USP53: variants seen among roughly 807,000 people sequenced by gnomAD.
USP53 encodes ubiquitin carboxyl-terminal hydrolase 53.
In USP53, 71 loss-of-function variants were observed where a neutral mutation model predicts 94.9. The ratio of observed to expected loss-of-function variants is 0.75; its 90% CI spans 0.62 to 0.91. The LOEUF (loss-of-function observed/expected upper bound fraction) is 0.91, where lower values mean the gene tolerates loss of function less well. USP53 is among the 40% of genes least tolerant of loss of function. The pLI, the probability that USP53 is intolerant of heterozygous loss-of-function variation, is 0.00. For missense variants in USP53, 1,173 were observed against 1,281.0 expected (o/e 0.92, Z 1.29); for synonymous variants, 375 against 422.7 (o/e 0.89, Z 1.39).
chr4:119,244,469 A>G (rs952668052), intron 5 of USP53, among the ~76,000 whole-genome samples: 1 of 152,190 alleles, frequency 6.6e-6, no homozygotes, highest in Non-Finnish European at 1.5e-5. Context: ...GAGAAATTTG[A>G]AGATCTTATT....
intron 3 of USP53, among the ~76,000 whole-genome samples, chr4:119,228,223 G>A (rs1745577279): frequency 6.6e-6 from 1 of 152,144 alleles, no homozygotes; most frequent in Non-Finnish European, 1.5e-5. Context: ...TCTGCTTCTG[G>A]GTTCATTCAG....
At chr4:119,222,358 T>C (rs193168764) in intron 3 of USP53, among the ~76,000 whole-genome samples, 1 of 152,130 alleles carries the variant, frequency 6.6e-6, no homozygotes, top group Non-Finnish European at 1.5e-5. Context: ...AATACATTAC[T>C]GTTTAGTCAC....
At chr4:119,246,207 C>A (rs150140249) in intron 6 of USP53, among the ~76,000 whole-genome samples, 23 of 152,290 alleles carry the variant, frequency 1.5e-4, no homozygotes, top group Admixed American at 2.6e-4. Flanking sequence ...TATAGGCTGG[C>A]CTTAATGACT....
At chr4:119,227,988 C>T (rs572038003) in intron 3 of USP53, among the ~76,000 whole-genome samples, 2 of 152,322 alleles carry the variant, frequency 1.3e-5, no homozygotes, top group East Asian at 3.9e-4. Flanking sequence ...GAAACTAGGA[C>T]AGAAAGTGTA....
At chr4:119,215,811 A>C (rs1311123160) in intron 2 of USP53, among the ~76,000 whole-genome samples, 1 of 152,224 alleles carries the variant, frequency 6.6e-6, no homozygotes, top group Non-Finnish European at 1.5e-5. Context: ...GCAGTTCATC[A>C]GAATTTTTTC....
At chr4:119,273,968 C>T (rs1752211882) in intron 17 of USP53, among the ~76,000 whole-genome samples, 2 of 149,358 alleles carry the variant, frequency 1.3e-5, no homozygotes, top group South Asian at 4.2e-4. Context: ...ATTGACTTCA[C>T]AAAGTGTTAA....
intron 3 of USP53, chr4:119,218,306 T>G (rs1472595298): frequency 6.6e-6 from 1 of 152,240 alleles, no homozygotes; most frequent in Non-Finnish European, 1.5e-5. Context: ...CTTGACATAA[T>G]TTTCTTCTGG....
At chr4:119,219,785 T>C (rs982011142) in intron 3 of USP53, 15 of 152,200 alleles carry the variant, frequency 9.9e-5, no homozygotes, top group African/African-American at 3.1e-4. Flanking sequence ...GGAGAAAAGA[T>C]AGTTTGATAG....
At chr4:119,280,064 C>T (rs146875602) in intron 17 of USP53, among the ~76,000 whole-genome samples, 9 of 152,312 alleles carry the variant, frequency 5.9e-5, no homozygotes, top group African/African-American at 1.2e-4. Context: ...CCGTCTTCTG[C>T]GTCGCTCACG....
At chr4:119,268,547 G>A (rs768495463) in intron 14 of USP53, 127 bp downstream of exon 14, 8 of 982,290 alleles carry the variant, frequency 8.1e-6, no homozygotes, top group Admixed American at 6.3e-5. Flanking sequence ...AACAAAATTC[G>A]TCTTTTGATT....
intron 12 of USP53, among the ~76,000 whole-genome samples, chr4:119,266,573 T>G (rs1034687530): frequency 1.3e-5 from 2 of 152,236 alleles, no homozygotes; most frequent in Admixed American, 1.3e-4. Context: ...TTTCATGTGC[T>G]TGTTTGACCA....
At position 119,292,927 on chromosome 4, in the gene USP53, GAA is replaced by G. The variant is rs746864323; in HGVS notation, c.2940_2941del (p.Arg981ThrfsTer2). 6.2e-7 allele frequency: 1 copy of G among 1,614,108 alleles called. No homozygotes were observed. The highest frequency in any genetic ancestry group is 8.5e-7 in the Non-Finnish European group (1 of 1,179,992). ...AGAAGTGAGTACACATATGAATGAT[GAA>G]AGACATAAAGAAACATTTCAAGTGA... ...SLEVSTHMND[E>X]RHKETFQVRE... On this transcript the variant is annotated frameshift_variant, in exon 19 of 19. Coordinates refer to ENST00000692078, the MANE Select transcript of USP53 (RefSeq NM_001371395.1). LOFTEE classifies it low-confidence loss of function (END_TRUNC).
chr4:119,234,035 G>T (rs1010074187), intron 3 of USP53, among the ~76,000 whole-genome samples: 4 of 152,132 alleles, frequency 2.6e-5, no homozygotes, highest in African/African-American at 9.7e-5. Context: ...ATGCAGTGCC[G>T]GTGAGAACAG....
intron 11 of USP53, among the ~76,000 whole-genome samples, chr4:119,260,948 CTCTTTTTT>C (rs1362414636): frequency 8.7e-6 from 1 of 115,030 alleles, no homozygotes; most frequent in African/African-American, 3.3e-5. Context: ...ACTGATCTCT[CTCTTTTTT>C]TTTTTTTTTT....
At chr4:119,229,676 C>G (rs901111094) in intron 3 of USP53, among the ~76,000 whole-genome samples, 4 of 152,128 alleles carry the variant, frequency 2.6e-5, no homozygotes, top group Non-Finnish European at 5.9e-5. Context: ...TACCACTGCC[C>G]TTGTGCAGGC....
chr4:119,262,849 A>C (rs977132581), intron 12 of USP53, among the ~76,000 whole-genome samples: 4 of 152,252 alleles, frequency 2.6e-5, no homozygotes, highest in Admixed American at 2.6e-4. Context: ...GCTTTTAAAA[A>C]AACATATATT....
chr4:119,268,099 G>A (rs1036713814), intron 13 of USP53, among the ~76,000 whole-genome samples, 169 bp from the exon 14 acceptor site: 7 of 151,244 alleles, frequency 4.6e-5, no homozygotes, highest in East Asian at 3.9e-4. Context: ...CCCGGGAGGC[G>A]GAGCTTGCAG....
At chr4:119,254,899 G>T (rs577679342) in intron 7 of USP53, among the ~76,000 whole-genome samples, 2 of 152,296 alleles carry the variant, frequency 1.3e-5, no homozygotes, top group South Asian at 4.1e-4. Context: ...CCTACAGATG[G>T]TGTTTTGGTG....
At chr4:119,240,271 T>G (rs1331507139) in intron 5 of USP53, among the ~76,000 whole-genome samples, 1 of 152,162 alleles carries the variant, frequency 6.6e-6, no homozygotes, top group Non-Finnish European at 1.5e-5. Flanking sequence ...AGACATAAGC[T>G]GCTTGTATTG....
Sources: gnomAD v4.1 joint callset for allele counts (sites outside exome capture counted in the v4.1 genomes callset) on GRCh38, gnomAD v4.1.1 for gene constraint, MANE v1.5 for transcripts, NCBI Gene and HGNC (gene_info 2026-07-23, HGNC 2026-07-21) for gene names.